EXD1: variants seen among roughly 807,000 people sequenced by gnomAD.
EXD1 encodes the protein exonuclease 3'-5' domain containing 1, also known as piRNA biogenesis protein EXD1.
In EXD1, 63 loss-of-function variants were observed where a neutral mutation model predicts 49.1. The observed-to-expected ratio is 1.28, with a 90% CI of 1.05 to 1.58. The LOEUF (loss-of-function observed/expected upper bound fraction) is 1.58. Among genes scored for constraint, EXD1 ranks in the 40% most tolerant of loss-of-function variants. The pLI, the probability that EXD1 is intolerant of heterozygous loss-of-function variation, is 0.00. For synonymous variants in EXD1, 234 were observed against 239.2 expected, an observed-to-expected ratio of 0.98 and a Z score of 0.20; for missense variants, 748 against 666.0, an observed-to-expected ratio of 1.12 and a Z score of -1.36.
chr15:41,227,657 G>A (rs183072460), intron 1 of EXD1, among the ~76,000 whole-genome samples: 17 of 139,286 alleles, frequency 1.2e-4, no homozygotes, highest in Admixed American at 1.0e-3. Context: ...CAGCCTGTGC[G>A]ACAGAGCAAC....
chr15:41,218,762 C>A (rs966393230), intron 3 of EXD1, among the ~76,000 whole-genome samples: 1 of 152,100 alleles, frequency 6.6e-6, no homozygotes, highest in African/African-American at 2.4e-5. Flanking sequence ...AAAGAATATT[C>A]AAGGGACAGA....
intron 7 of EXD1, among the ~76,000 whole-genome samples, chr15:41,204,759 CAT>C (rs200956295): frequency 2.0e-5 from 3 of 151,844 alleles, no homozygotes; most frequent in Non-Finnish European, 2.9e-5. Flanking sequence ...TATACATACA[CAT>C]ATATATATAC....
At chr15:41,224,340 A>G (rs1210247310) in intron 2 of EXD1, among the ~76,000 whole-genome samples, 1 of 152,212 alleles carries the variant, frequency 6.6e-6, no homozygotes, top group East Asian at 1.9e-4. Context: ...CATGATTACT[A>G]AATGAATTAA....
At chr15:41,227,594 C>T (rs1162152926) in intron 1 of EXD1, among the ~76,000 whole-genome samples, 2 of 150,516 alleles carry the variant, frequency 1.3e-5, no homozygotes, top group African/African-American at 2.4e-5. Context: ...CACTTGAACC[C>T]GGGAGGCAGA....
chr15:41,200,533 T>G (rs1021715193), intron 7 of EXD1, among the ~76,000 whole-genome samples: 2 of 151,958 alleles, frequency 1.3e-5, no homozygotes, highest in Non-Finnish European at 2.9e-5. Flanking sequence ...CTCAAAATAA[T>G]GATAATAATA....
intron 11 of EXD1, among the ~76,000 whole-genome samples, chr15:41,189,351 G>A (rs2140808076): frequency 6.6e-6 from 1 of 151,264 alleles, no homozygotes; most frequent in Admixed American, 6.6e-5. Flanking sequence ...CTGAGTGACA[G>A]AGCGAGACTC....
chr15:41,195,253 A>C (rs561038979), intron 9 of EXD1, among the ~76,000 whole-genome samples: 4 of 152,306 alleles, frequency 2.6e-5, no homozygotes, highest in Admixed American at 2.6e-4. Context: ...TAATGCTGGT[A>C]GAATCTAGGG....
intron 9 of EXD1, among the ~76,000 whole-genome samples, chr15:41,195,520 C>G (rs2140834447): frequency 6.6e-6 from 1 of 152,230 alleles, no homozygotes; most frequent in East Asian, 1.9e-4. Flanking sequence ...AATCTTGCTT[C>G]TTTGACAAAT....
intron 7 of EXD1, among the ~76,000 whole-genome samples, chr15:41,208,440 C>T (rs1221477633): frequency 1.3e-5 from 2 of 148,722 alleles, no homozygotes; most frequent in African/African-American, 4.9e-5. Context: ...AGCTATTCTT[C>T]AAGGCTAACT....
chr15:41,205,530 C>G (rs986896230), intron 7 of EXD1, among the ~76,000 whole-genome samples: 1 of 152,054 alleles, frequency 6.6e-6, no homozygotes, highest in Admixed American at 6.6e-5. Context: ...GTAATCCCAG[C>G]AATTTGGAAG....
intron 7 of EXD1, among the ~76,000 whole-genome samples, chr15:41,198,637 C>A (rs78667604): frequency 6.6e-6 from 1 of 151,786 alleles, no homozygotes. Context: ...TGCAGTGAGC[C>A]GTGTTTGCAC....
At chr15:41,227,752 C>T (rs1174771602) in intron 1 of EXD1, among the ~76,000 whole-genome samples, 1 of 151,238 alleles carries the variant, frequency 6.6e-6, no homozygotes, top group Non-Finnish European at 1.5e-5. Context: ...AAATATTATT[C>T]ATAGTGGGTA....
At chr15:41,200,174 C>T (rs750266962) in intron 7 of EXD1, among the ~76,000 whole-genome samples, 7 of 151,874 alleles carry the variant, frequency 4.6e-5, no homozygotes, top group South Asian at 2.1e-4. Context: ...CCTCCCTAAG[C>T]GCTAGAAGTA....
Position 41,184,140 on chromosome 15 carries a change from C to T in EXD1, c.1510G>A (p.Glu504Lys). Residue 504 changes from glutamate to lysine, a missense_variant, in exon 12 of 12, where the codon GAG (glutamate) becomes AAG (lysine). Glu to Lys is a moderately conservative substitution (Grantham distance 56). Coordinates refer to ENST00000458580, the MANE Select transcript of EXD1 (RefSeq NM_001286441.2). The stretch of plus-strand genomic sequence containing the variant: ...TCCACCATCAATAACTGTTCTGTCT[C>T]CTCTTTCAAAGATAAACTTGCCTGA... ...EFQASLSLKE[E>K]TEQLLMVENK... is the part of the protein sequence containing the mutation. 1 of 1,614,188 alleles carries T rather than the reference C, an allele frequency of 6.2e-7. No homozygotes were observed. Among genetic ancestry groups the T allele is most frequent in the Admixed American group, 1.7e-5 (1 of 60,016 alleles).
Position 41,216,531 on chromosome 15 carries a change from AGAGGCAGGATAATT to A in EXD1, c.388+123_388+136del. ...CTGTAATCACAGCTACTATGGAGGC[AGAGGCAGGATAATT>A]GCTTGAATCCAGGAGGTGGAGGTTG... is the stretch of plus-strand genomic sequence containing the variant. On this transcript the variant is annotated intron_variant, in intron 5 of 11. Transcript: ENST00000458580. 4.7e-6 allele frequency: 4 copies of A among 860,034 alleles called. No individual in the cohort carries two copies. In the South Asian group the frequency reaches 7.4e-5, roughly 16 times the overall value. The allele number at this position is 860,034 out of a possible 1,614,324, so 53.3% of individuals were successfully genotyped here.
rs191731472 is a variant in EXD1, at chr15:41,194,226, T to C, written c.720+1549A>G. ...CAGGGTTTCACCATGTTAGCCAGGA[T>C]GGTCTCAATCTCCTGAACTCGTGAT... On this transcript the variant is annotated intron_variant, in intron 9 of 11. Coordinates refer to ENST00000458580, the MANE Select transcript of EXD1 (RefSeq NM_001286441.2). 1.6e-3 allele frequency among the ~76,000 whole-genome samples: 242 copies of C among 152,152 alleles called. 3 individuals are homozygous for C. Among genetic ancestry groups the C allele is most frequent in the Admixed American group, 0.014 (219 of 15,236 alleles).
chr15:41,201,089 G>A (rs903378402), intron 7 of EXD1, among the ~76,000 whole-genome samples: 1 of 152,024 alleles, frequency 6.6e-6, no homozygotes, highest in African/African-American at 2.4e-5. Flanking sequence ...GGCCAGGCTG[G>A]TCTCAAGCTC....
chr15:41,209,622 G>C (rs200995390), intron 6 of EXD1, 35 bp from the exon 7 acceptor site: 1 of 1,572,618 alleles, frequency 6.4e-7, no homozygotes, highest in East Asian at 2.2e-5. Flanking sequence ...AAAACTTTCA[G>C]GGAATAAATG....
At chr15:41,200,496 C>T (rs1343773699) in intron 7 of EXD1, among the ~76,000 whole-genome samples, 2 of 152,060 alleles carry the variant, frequency 1.3e-5, no homozygotes, top group Non-Finnish European at 2.9e-5. Context: ...TGCACTCCAG[C>T]CTGAGCAAGA....
Sources: allele counts gnomAD v4.1 joint callset (sites outside exome capture counted in the v4.1 genomes callset), GRCh38; gene constraint gnomAD v4.1.1; transcripts MANE v1.5; gene names NCBI Gene and HGNC (gene_info 2026-07-23, HGNC 2026-07-21).